PCDHGA1: variants seen among roughly 807,000 people sequenced by gnomAD.
The protein encoded by PCDHGA1 is protocadherin gamma-A1.
PCDHGA1 carries 32 observed loss-of-function variants against 58.0 expected under a neutral mutation model. The observed-to-expected ratio is 0.55, with a 90% CI of 0.42 to 0.74. PCDHGA1 has a LOEUF of 0.74. Ranked by LOEUF, PCDHGA1 falls within the 30% of genes least tolerant of loss-of-function variation. The probability of loss-of-function intolerance (pLI) is 0.00; values close to 1 mark genes in which losing one functional copy is unlikely to be tolerated. For synonymous variants in PCDHGA1, 498 were observed against 501.1 expected, an observed-to-expected ratio of 0.99 and a Z score of 0.08; for missense variants, 1,205 against 1,182.3, an observed-to-expected ratio of 1.02 and a Z score of -0.28.
chr5:141,485,095 TC>T lies in PCDHGA1; in HGVS notation c.2422-9710del, dbSNP rs1040164730. ...GCGCGGGGAAAGGGAGATAGGTGTCTCCAGCTGCTGTGGCTGTTTGGGGCGG... is the reference window on the plus strand; with the variant it reads ...GCGCGGGGAAAGGGAGATAGGTGTCTCAGCTGCTGTGGCTGTTTGGGGCGG... On this transcript the variant is annotated intron_variant, in intron 1 of 3. Coordinates refer to ENST00000517417, the MANE Select transcript of PCDHGA1 (RefSeq NM_018912.3). This position sits in a 1 kb window ranked among gnomAD's most constrained non-coding sequence, Gnocchi z 5.7. 6.8e-5 allele frequency: 76 copies of T among 1,115,798 alleles called. No homozygotes were observed. Among genetic ancestry groups the T allele is most frequent in the South Asian group, 4.6e-4 (33 of 71,042 alleles). The allele number at this position is 1,115,798 out of a possible 1,614,324, so 69.1% of individuals were successfully genotyped here. A position where few individuals can be genotyped will look rare whatever the true frequency, so the allele number is the denominator to read the frequency against.
Position 141,487,632 on chromosome 5 carries a change from C to G in PCDHGA1, c.2422-7175C>G, listed in dbSNP as rs374506603. The G allele has an allele frequency of 6.2e-7, 1 of 1,614,186 alleles. No homozygotes were observed. Among genetic ancestry groups the G allele is most frequent in the East Asian group, 2.2e-5 (1 of 44,888 alleles). On this transcript the variant is annotated intron_variant, in intron 1 of 3. Coordinates refer to ENST00000517417, the MANE Select transcript of PCDHGA1 (RefSeq NM_018912.3). The surrounding 1 kb of genome is among the most constrained non-coding windows in gnomAD (Gnocchi z 5.0). ...GGGCTAGAGGTGAGACCTTTGCAGG[C>G]TCAACAAATGCTTGAGGGTTATTCT... is the stretch of plus-strand genomic sequence containing the variant.
intron 1 of PCDHGA1, chr5:141,423,750 TGGGG>T: frequency 7.0e-5 from 20 of 287,406 alleles, no homozygotes; most frequent in Non-Finnish European, 9.0e-5. Context: ...GAAAACTGTT[TGGGG>T]GGGGGGTGGG....
At chr5:141,345,395 T>A in intron 1 of PCDHGA1, 3 of 1,614,068 alleles carry the variant, frequency 1.9e-6, no homozygotes, top group Non-Finnish European at 2.5e-6. Context: ...CCTTCCCTCA[T>A]TTATCCTACT....
chr5:141,364,257 C>T, intron 1 of PCDHGA1: 1 of 1,495,330 alleles, frequency 6.7e-7, no homozygotes, highest in Non-Finnish European at 8.9e-7. Flanking sequence ...GGAATATGTA[C>T]CCATCGGCTT....
chr5:141,432,096 A>G lies in PCDHGA1; in HGVS notation c.2422-62711A>G, dbSNP rs763154183. On this transcript the variant is annotated intron_variant, in intron 1 of 3. Transcript: ENST00000517417. This position sits in a 1 kb window ranked among gnomAD's most constrained non-coding sequence, Gnocchi z 6.0. Reference sequence around the variant, plus strand: ...ATCTCGCTGAACGTGGCAGACACCAACGACAACCCGCCGGTCTTCCCTCAG... The same window carrying G: ...ATCTCGCTGAACGTGGCAGACACCAGCGACAACCCGCCGGTCTTCCCTCAG... The G allele has an allele frequency of 1.9e-6, 3 of 1,613,944 alleles. No homozygotes were observed. Among genetic ancestry groups the G allele is most frequent in the East Asian group, 2.2e-5 (1 of 44,870 alleles).
intron 1 of PCDHGA1, chr5:141,365,663 G>A (rs117201633): frequency 1.9e-6 from 3 of 1,613,390 alleles, no homozygotes; most frequent in African/African-American, 1.3e-5. Context: ...AGTAGCAGAC[G>A]TTAATGACAA....
chr5:141,376,266 C>T (rs200515281), intron 1 of PCDHGA1: 171 of 1,614,088 alleles, frequency 1.1e-4, no homozygotes, highest in Non-Finnish European at 1.3e-4. Context: ...CTGCAGGCTT[C>T]GGGAGGTGGC....
rs767107885 is a variant in PCDHGA1, at chr5:141,423,138, C to T, written c.2422-71669C>T. ...CAGCGCGGGCACTGCTGGACAGAGA[C>T]GCGCTCAAGCAGAGCCTCGTGGTGG... On this transcript the variant is annotated intron_variant, in intron 1 of 3. Transcript: ENST00000517417. 2.5e-6 allele frequency: 4 copies of T among 1,613,606 alleles called. 1 individual carries two copies. The highest frequency in any genetic ancestry group is 3.4e-6 in the Non-Finnish European group (4 of 1,179,912).
chr5:141,381,186 GC>G (rs1489730819), intron 1 of PCDHGA1, among the ~76,000 whole-genome samples: 7 of 152,226 alleles, frequency 4.6e-5, no homozygotes, highest in Non-Finnish European at 7.3e-5. Flanking sequence ...ACGAAGTTAA[GC>G]TTTCTTAGTG....
chr5:141,381,354 G>A (rs1163041754), intron 1 of PCDHGA1, among the ~76,000 whole-genome samples: 1 of 152,202 alleles, frequency 6.6e-6, no homozygotes, highest in Non-Finnish European at 1.5e-5. Context: ...CTTTCTGCTA[G>A]CAGAGGGTAG....
At chr5:141,475,983 C>T in intron 1 of PCDHGA1, 2 of 1,049,240 alleles carry the variant, frequency 1.9e-6, no homozygotes, top group Non-Finnish European at 2.8e-6. Context: ...GAACAGCCGG[C>T]GAGCAAATCA....
intron 1 of PCDHGA1, chr5:141,478,188 C>T (rs770414950): frequency 4.3e-6 from 7 of 1,613,920 alleles, no homozygotes; most frequent in Non-Finnish European, 5.9e-6. Flanking sequence ...AAAAATCTCA[C>T]CTTTTATCTA....
intron 1 of PCDHGA1, chr5:141,361,915 G>T: frequency 6.2e-7 from 1 of 1,608,488 alleles, no homozygotes; most frequent in Non-Finnish European, 8.5e-7. Flanking sequence ...GGTGGTGGCG[G>T]TGGACGCAGA....
chr5:141,404,948 G>C, intron 1 of PCDHGA1: 2 of 1,613,956 alleles, frequency 1.2e-6, no homozygotes, highest in Non-Finnish European at 1.7e-6. Context: ...AGCCATAGCT[G>C]ACAGCATCCC....
At position 141,505,406 on chromosome 5, in the gene PCDHGA1, G is replaced by A. The variant is rs546453598; in HGVS notation, c.2494G>A (p.Asp832Asn). 61 of 1,614,174 alleles carry A rather than the reference G, an allele frequency of 3.8e-5. No individual in the cohort carries two copies. The highest frequency in any genetic ancestry group is 1.1e-4 in the East Asian group (5 of 44,866). ...RPGTSGSQNG[D>N]DTGTWPNNQF... Reference sequence around the variant, plus strand: ...CTCTCTCCCCAGCTCCCAAAATGGCGATGACACCGGCACCTGGCCCAACAA... The same window carrying A: ...CTCTCTCCCCAGCTCCCAAAATGGCAATGACACCGGCACCTGGCCCAACAA... Residue 832 changes from aspartate to asparagine, a missense_variant, in exon 3 of 4, where the codon GAT (aspartate) becomes AAT (asparagine). Transcript: ENST00000517417.
intron 2 of PCDHGA1, among the ~76,000 whole-genome samples, chr5:141,496,054 G>A (rs180707408): frequency 6.6e-6 from 1 of 150,988 alleles, no homozygotes; most frequent in Admixed American, 6.6e-5. Context: ...TTTTGTGCTT[G>A]TGGGCAAGCC....
chr5:141,331,743 C>T lies in PCDHGA1; in HGVS notation c.1059C>T (p.Thr353=). Residue 353 remains threonine, a synonymous_variant, in exon 1 of 4, where the codon ACC becomes ACT. Transcript: ENST00000517417. Reference sequence around the variant, plus strand: ...CAGAAGTGACCATCACCTCTGTCACCACTGCAGTTCCAGAAAACTTTCCTC... The same window carrying T: ...CAGAAGTGACCATCACCTCTGTCACTACTGCAGTTCCAGAAAACTTTCCTC... ...NAPEVTITSV[T]TAVPENFPPG... 6.2e-7 allele frequency: 1 copy of T among 1,614,116 alleles called. No individual in the cohort carries two copies.
At position 141,511,373 on chromosome 5, in the gene PCDHGA1, G is replaced by C. The variant is rs1361376059; in HGVS notation, c.*200G>C. 16 of 1,251,214 alleles carry C rather than the reference G, an allele frequency of 1.3e-5. No homozygotes were observed. Among genetic ancestry groups the C allele is most frequent in the Non-Finnish European group, 1.4e-5 (13 of 925,282 alleles). The allele number at this position is 1,251,214 out of a possible 1,614,324, so 77.5% of individuals were successfully genotyped here. A position where few individuals can be genotyped will look rare whatever the true frequency, so the allele number is the denominator to read the frequency against. ...CCCCCAGGGGGTTGAATATGCAAAAGCAGTTCCGCTGGGAACCCCCATCCA... is the reference window on the plus strand; with the variant it reads ...CCCCCAGGGGGTTGAATATGCAAAACCAGTTCCGCTGGGAACCCCCATCCA... On this transcript the variant is annotated 3_prime_UTR_variant, in exon 4 of 4. Transcript: ENST00000517417.
At position 141,487,937 on chromosome 5, in the gene PCDHGA1, T is replaced by G; in HGVS notation, c.2422-6870T>G. 2 of 603,606 alleles carry G rather than the reference T, an allele frequency of 3.3e-6. No homozygotes were observed. The highest frequency in any genetic ancestry group is 2.9e-6 in the Non-Finnish European group (1 of 345,124). 37.4% of individuals were successfully genotyped at this position (603,606 alleles called of 1,614,324 possible). ...GGAGGCTACAGTGCACAGGGTACAG[T>G]GCACCAGGCAGTCACTTGGACAAAG... On this transcript the variant is annotated intron_variant, in intron 1 of 3. Transcript: ENST00000517417. The surrounding 1 kb of genome is among the most constrained non-coding windows in gnomAD (Gnocchi z 5.0).
Sources: gnomAD v4.1 joint callset for allele counts (sites outside exome capture counted in the v4.1 genomes callset) on GRCh38, gnomAD v4.1.1 for gene constraint, Gnocchi (gnomAD v3.1) non-coding constraint, MANE v1.5 for transcripts, NCBI Gene and HGNC (gene_info 2026-07-23, HGNC 2026-07-21) for gene names.